TLR6: variants seen among roughly 807,000 people sequenced by gnomAD.
TLR6 encodes the protein toll like receptor 6.
TLR6 carries 9 observed loss-of-function variants against 16.1 expected under a neutral mutation model. That is an observed-to-expected ratio of 0.56 (90% CI 0.34 to 0.98). TLR6 has a LOEUF of 0.98. TLR6 is among the 50% of genes least tolerant of loss of function. TLR6 has a pLI of 0.02. For synonymous variants in TLR6, 340 were observed against 338.6 expected (o/e 1.00, Z -0.04); for missense variants, 786 against 921.0 (o/e 0.85, Z 1.90).
intron 1 of TLR6, among the ~76,000 whole-genome samples, chr4:38,853,838 G>C (rs1229807856): frequency 1.3e-5 from 2 of 152,128 alleles, no homozygotes; most frequent in African/African-American, 4.8e-5. Flanking sequence ...ATAAATTTTA[G>C]TATCTCTGTA....
At chr4:38,852,725 G>C (rs1712818594) in intron 1 of TLR6, among the ~76,000 whole-genome samples, 1 of 151,018 alleles carries the variant, frequency 6.6e-6, no homozygotes, top group Admixed American at 6.6e-5. Flanking sequence ...AAAAAGTCAG[G>C]AAACAACAGG....
chr4:38,855,960 T>G (rs1474042705), intron 1 of TLR6, among the ~76,000 whole-genome samples: 1 of 151,474 alleles, frequency 6.6e-6, no homozygotes, highest in Non-Finnish European at 1.5e-5. Flanking sequence ...AAAAAAAGGG[T>G]AGACAAGACC....
At chr4:38,836,109 GAGAA>G (rs574401705) in intron 1 of TLR6, among the ~76,000 whole-genome samples, 39 of 151,874 alleles carry the variant, frequency 2.6e-4, no homozygotes, top group African/African-American at 8.9e-4. Context: ...CAAATGTTAG[GAGAA>G]AGAAAGAAAT....
At chr4:38,846,439 T>C (rs899037556) in intron 1 of TLR6, among the ~76,000 whole-genome samples, 17 of 152,132 alleles carry the variant, frequency 1.1e-4, no homozygotes, top group Admixed American at 3.9e-4. Flanking sequence ...TGACTTGAGT[T>C]GCAAATAGCA....
upstream of TLR6, among the ~76,000 whole-genome samples, chr4:38,860,980 T>C (rs1052662887): frequency 5.3e-5 from 8 of 152,094 alleles, no homozygotes; most frequent in African/African-American, 1.9e-4. Flanking sequence ...TGTAACCCCA[T>C]GAAAATCAGG....
intron 1 of TLR6, among the ~76,000 whole-genome samples, chr4:38,851,776 A>G (rs930348569): frequency 8.0e-4 from 122 of 152,352 alleles, no homozygotes; most frequent in African/African-American, 2.8e-3. Flanking sequence ...GATAGGAAGA[A>G]TCAATATCAT....
At chr4:38,840,498 G>C (rs1253065397) in intron 1 of TLR6, among the ~76,000 whole-genome samples, 1 of 152,084 alleles carries the variant, frequency 6.6e-6, no homozygotes, top group East Asian at 1.9e-4. Flanking sequence ...GCTGGGCGTG[G>C]TGGTGGGTTC....
intron 1 of TLR6, among the ~76,000 whole-genome samples, chr4:38,851,215 T>C (rs1013949098): frequency 3.9e-5 from 6 of 152,340 alleles, no homozygotes; most frequent in African/African-American, 1.4e-4. Flanking sequence ...AAATTAGGTA[T>C]TGATGGGACG....
the TLR6 span, among the ~76,000 whole-genome samples, chr4:38,862,283 A>T: frequency 6.6e-6 from 1 of 151,118 alleles, no homozygotes; most frequent in African/African-American, 2.4e-5. Context: ...TTCCAATCAC[A>T]TTTTTTTTTA....
At chr4:38,833,712 T>C (rs1177767810) in intron 1 of TLR6, among the ~76,000 whole-genome samples, 3 of 151,524 alleles carry the variant, frequency 2.0e-5, no homozygotes, top group Middle Eastern at 3.4e-3. Context: ...AAAAAGAAAA[T>C]CTATAAAATG....
intron 1 of TLR6, among the ~76,000 whole-genome samples, chr4:38,851,326 A>G (rs976754313): frequency 6.6e-6 from 1 of 152,240 alleles, no homozygotes; most frequent in Non-Finnish European, 1.5e-5. Context: ...GGCACATGAC[A>G]GAGATGCCCC....
chr4:38,847,799 G>A (rs1311791703), intron 1 of TLR6, among the ~76,000 whole-genome samples: 2 of 152,236 alleles, frequency 1.3e-5, no homozygotes, highest in African/African-American at 4.8e-5. Flanking sequence ...CTCAAACTGG[G>A]TGGAGCCCAC....
At chr4:38,846,192 C>T (rs1712524131) in intron 1 of TLR6, among the ~76,000 whole-genome samples, 1 of 151,874 alleles carries the variant, frequency 6.6e-6, no homozygotes, top group South Asian at 2.1e-4. Flanking sequence ...AGCACTCTCA[C>T]AAGAAGGCTT....
chr4:38,827,558 T>C (rs759097145), exon 2 of TLR6: 31 of 1,613,966 alleles, frequency 1.9e-5, no homozygotes, highest in Non-Finnish European at 2.5e-5. Context: ...AAACTGGAGG[T>C]TTCTTTGGAG....
chr4:38,861,876 C>T, the TLR6 span, among the ~76,000 whole-genome samples: 13 of 152,292 alleles, frequency 8.5e-5, no homozygotes, highest in African/African-American at 2.9e-4. Flanking sequence ...CATCTGGGTC[C>T]GTGGCTTCAA....
the TLR6 span, among the ~76,000 whole-genome samples, chr4:38,867,501 G>A: frequency 6.6e-6 from 1 of 151,908 alleles, no homozygotes; most frequent in African/African-American, 2.4e-5. Context: ...GTGACACGGC[G>A]GGGGGTTTTC....
intron 1 of TLR6, among the ~76,000 whole-genome samples, chr4:38,850,237 G>A (rs986918555): frequency 1.3e-5 from 2 of 152,186 alleles, no homozygotes; most frequent in Non-Finnish European, 2.9e-5. Context: ...GCAGTGTGTA[G>A]AGGGAAATTT....
At chr4:38,837,661 G>A (rs1326440597) in intron 1 of TLR6, among the ~76,000 whole-genome samples, 1 of 152,106 alleles carries the variant, frequency 6.6e-6, no homozygotes, top group Non-Finnish European at 1.5e-5. Flanking sequence ...GAAAACAGAA[G>A]AAATGCTTGA....
chr4:38,851,800 C>A (rs1193517603), intron 1 of TLR6, among the ~76,000 whole-genome samples: 1 of 152,184 alleles, frequency 6.6e-6, no homozygotes, highest in East Asian at 1.9e-4. Flanking sequence ...AATGGCCATA[C>A]TGCCCAAAGT....
Sources: gnomAD v4.1 joint callset for allele counts (sites outside exome capture counted in the v4.1 genomes callset) on GRCh38, gnomAD v4.1.1 for gene constraint, MANE v1.5 for transcripts, NCBI Gene and HGNC (gene_info 2026-07-23, HGNC 2026-07-21) for gene names.